NHS: variants seen among roughly 807,000 people sequenced by gnomAD.
The protein encoded by NHS is actin remodeling regulator NHS.
In NHS, 5 loss-of-function variants were observed where a neutral mutation model predicts 72.5. The observed-to-expected ratio is 0.07, with a 90% CI of 0.04 to 0.14. NHS has a LOEUF of 0.14. Ranked by LOEUF, NHS falls within the 10% of genes least tolerant of loss-of-function variation. NHS has a pLI of 1.00. For synonymous variants in NHS, 464 were observed against 547.7 expected, an observed-to-expected ratio of 0.85 and a Z score of 2.13; for missense variants, 1,072 against 1,355.7, an observed-to-expected ratio of 0.79 and a Z score of 3.29.
intron 1 of NHS, among the ~76,000 whole-genome samples, chrX:17,574,811 G>A (rs2065501090): frequency 9.0e-6 from 1 of 111,402 alleles, no homozygotes; most frequent in South Asian, 3.9e-4. Context: ...GATTGGAGCT[G>A]TTCCCATTTG....
At chrX:17,425,941 G>A (rs2064654891) in intron 1 of NHS, 1 of 112,657 alleles carries the variant, frequency 8.9e-6, no homozygotes, top group Non-Finnish European at 1.9e-5. Context: ...GAGATCCAGA[G>A]AGAATCAGAG....
chrX:17,383,744 A>G (rs1601682168), intron 1 of NHS, among the ~76,000 whole-genome samples: 1 of 111,964 alleles, frequency 8.9e-6, no homozygotes, highest in East Asian at 2.8e-4. Context: ...ATAATTCAAC[A>G]TGAGATATGG....
chrX:17,733,294 C>T lies in NHS; in HGVS notation c.*830C>T, dbSNP rs2066501147. 9.0e-6 allele frequency: 1 copy of T among 111,645 alleles called. No individual in the cohort carries two copies. Among genetic ancestry groups the T allele is most frequent in the Non-Finnish European group, 1.9e-5 (1 of 53,031 alleles). The allele number at this position is 111,645 out of a possible 1,213,427, so 9.2% of individuals were successfully genotyped here. A position where few individuals can be genotyped will look rare whatever the true frequency, so the allele number is the denominator to read the frequency against. On this transcript the variant is annotated 3_prime_UTR_variant, in exon 9 of 9. Transcript: ENST00000676302. ...TAATTTGGACAGAATGAAAAGCATG[C>T]TTTTGATTTTTTTTTTAATCAGTGA...
intron 1 of NHS, among the ~76,000 whole-genome samples, chrX:17,655,452 G>A (rs1403157135): frequency 1.8e-5 from 2 of 112,645 alleles, no homozygotes; most frequent in Admixed American, 1.9e-4. Context: ...CTCACAGGCC[G>A]GGCTTTGTGG....
At chrX:17,671,598 T>C (rs968166395) in intron 1 of NHS, among the ~76,000 whole-genome samples, 3 of 112,331 alleles carry the variant, frequency 2.7e-5, no homozygotes, top group Admixed American at 1.9e-4. Flanking sequence ...AACACTGTGC[T>C]TGATGCTGAA....
At chrX:17,503,666 T>C (rs1203987450) in intron 1 of NHS, among the ~76,000 whole-genome samples, 2 of 111,752 alleles carry the variant, frequency 1.8e-5, no homozygotes, top group African/African-American at 6.5e-5. Context: ...ATTTCTTTAT[T>C]TGTACAATGA....
At chrX:17,512,292 A>T (rs1208501887) in intron 1 of NHS, among the ~76,000 whole-genome samples, 1 of 112,243 alleles carries the variant, frequency 8.9e-6, no homozygotes, top group Non-Finnish European at 1.9e-5. Flanking sequence ...AAAAAATAAG[A>T]TAGGAACCTA....
intron 1 of NHS, among the ~76,000 whole-genome samples, chrX:17,420,095 A>C (rs1309187118): frequency 8.9e-6 from 1 of 111,982 alleles, no homozygotes; most frequent in Admixed American, 9.5e-5. Context: ...TTGCATTTTA[A>C]TTTTTAAAAT....
chrX:17,597,181 G>A (rs1277066515), intron 1 of NHS, among the ~76,000 whole-genome samples: 1 of 101,484 alleles, frequency 9.9e-6, no homozygotes, highest in Non-Finnish European at 2.0e-5. Context: ...ATGCAATGGC[G>A]CGATCTCGGC....
intron 1 of NHS, among the ~76,000 whole-genome samples, chrX:17,559,463 G>A (rs1002966441): frequency 7.2e-5 from 8 of 111,828 alleles, no homozygotes; most frequent in East Asian, 5.6e-4. Context: ...ATTGGCCTCC[G>A]TGCACCCCCA....
chrX:17,695,571 T>C (rs1234946017), intron 3 of NHS, among the ~76,000 whole-genome samples: 1 of 111,567 alleles, frequency 9.0e-6, no homozygotes, highest in Non-Finnish European at 1.9e-5. Flanking sequence ...TATCTGTGAT[T>C]CCCAAACTGT....
intron 3 of NHS, among the ~76,000 whole-genome samples, chrX:17,711,397 T>C (rs2066328538): frequency 8.9e-6 from 1 of 112,431 alleles, no homozygotes; most frequent in East Asian, 2.8e-4. Flanking sequence ...TTTCCATTCA[T>C]GTGGGGACTA....
chrX:17,383,087 T>C (rs1384399125), intron 1 of NHS, among the ~76,000 whole-genome samples: 2 of 112,166 alleles, frequency 1.8e-5, no homozygotes, highest in South Asian at 3.7e-4. Flanking sequence ...TGATGACTTA[T>C]TTGATGACAC....
intron 1 of NHS, among the ~76,000 whole-genome samples, chrX:17,517,285 T>C (rs2065126529): frequency 8.9e-6 from 1 of 112,007 alleles, no homozygotes; most frequent in Admixed American, 9.4e-5. Context: ...GGGATTAGAT[T>C]TCAACCCAGG....
chrX:17,514,373 C>G lies in NHS; in HGVS notation c.565+138051C>G, dbSNP rs773647063. 2.7e-5 allele frequency among the ~76,000 whole-genome samples: 3 copies of G among 112,471 alleles called. No individual in the cohort carries two copies. The East Asian group carries it at 8.4e-4, about 32-fold the overall frequency. On this transcript the variant is annotated intron_variant, in intron 1 of 8. Coordinates refer to ENST00000676302, the MANE Select transcript of NHS (RefSeq NM_001291867.2). ...AAGGACTTGACTTGACTTGCTGAGT[C>G]TTCTGGCCTTCATCTTTCTCCTGTG...
At chrX:17,666,995 A>G (rs1458572811) in intron 1 of NHS, among the ~76,000 whole-genome samples, 2 of 112,062 alleles carry the variant, frequency 1.8e-5, no homozygotes, top group Non-Finnish European at 3.8e-5. Flanking sequence ...AAATTTGGTA[A>G]ACACTAAGGA....
intron 1 of NHS, among the ~76,000 whole-genome samples, chrX:17,543,722 T>C (rs1309182941): frequency 8.9e-6 from 1 of 112,009 alleles, no homozygotes; most frequent in Non-Finnish European, 1.9e-5. Context: ...GCTAGATGGC[T>C]CTCCATGTCC....
At chrX:17,602,531 A>T (rs989810108) in intron 1 of NHS, among the ~76,000 whole-genome samples, 2 of 111,641 alleles carry the variant, frequency 1.8e-5, no homozygotes, top group Non-Finnish European at 3.8e-5. Context: ...TGCCAATGGG[A>T]CACTGCTAGA....
intron 1 of NHS, among the ~76,000 whole-genome samples, chrX:17,679,016 C>T (rs191850787): frequency 9.0e-6 from 1 of 111,058 alleles, no homozygotes; most frequent in Admixed American, 9.6e-5. Context: ...TGCTGAAAAA[C>T]CAAGTTTGTA....
Sources: allele counts gnomAD v4.1 joint callset (sites outside exome capture counted in the v4.1 genomes callset), GRCh38; gene constraint gnomAD v4.1.1; transcripts MANE v1.5; gene names NCBI Gene and HGNC (gene_info 2026-07-23, HGNC 2026-07-21).